GRID2: variants seen among roughly 807,000 people sequenced by gnomAD.
GRID2 encodes the protein glutamate receptor ionotropic, delta-2.
GRID2 carries 33 observed loss-of-function variants against 114.8 expected under a neutral mutation model. That is an observed-to-expected ratio of 0.29 (90% CI 0.22 to 0.38). The LOEUF (loss-of-function observed/expected upper bound fraction) is 0.38. GRID2 is among the 10% of genes least tolerant of loss of function. The probability of loss-of-function intolerance (pLI) is 1.00; values close to 1 mark genes in which losing one functional copy is unlikely to be tolerated. For missense variants in GRID2, 1,184 were observed against 1,257.7 expected, an observed-to-expected ratio of 0.94 and a Z score of 0.89; for synonymous variants, 505 against 449.9, an observed-to-expected ratio of 1.12 and a Z score of -1.55.
At chr4:93,806,270 G>A (rs1735027340) in intron 1 of GRID2, among the ~76,000 whole-genome samples, 1 of 152,210 alleles carries the variant, frequency 6.6e-6, no homozygotes, top group Non-Finnish European at 1.5e-5. Flanking sequence ...AAGTCAAGAT[G>A]TAAGATTCAA....
intron 13 of GRID2, among the ~76,000 whole-genome samples, chr4:93,611,203 CT>C (rs1740860090): frequency 1.0e-5 from 1 of 98,400 alleles, no homozygotes; most frequent in East Asian, 2.5e-4. Flanking sequence ...ATTCTTCTCT[CT>C]TTTTTTCTTT....
intron 1 of GRID2, among the ~76,000 whole-genome samples, chr4:92,566,994 G>A (rs928040456): frequency 6.6e-6 from 1 of 151,966 alleles, no homozygotes; most frequent in Non-Finnish European, 1.5e-5. Flanking sequence ...TTACTTACTT[G>A]TCAGAGGTTT....
At chr4:93,582,282 C>G (rs1054410760) in intron 13 of GRID2, among the ~76,000 whole-genome samples, 1 of 152,136 alleles carries the variant, frequency 6.6e-6, no homozygotes, top group Non-Finnish European at 1.5e-5. Context: ...CTCCCTCTGT[C>G]TCTGACCCTC....
intron 2 of GRID2, among the ~76,000 whole-genome samples, chr4:92,729,240 C>G (rs184517514): frequency 1.2e-4 from 18 of 152,148 alleles, no homozygotes; most frequent in African/African-American, 3.9e-4. Context: ...ATTGGCTTCA[C>G]CATGCACTTG....
chr4:93,576,516 T>G (rs959081749), intron 13 of GRID2, among the ~76,000 whole-genome samples: 3 of 152,224 alleles, frequency 2.0e-5, no homozygotes, highest in African/African-American at 7.2e-5. Flanking sequence ...CTTTTGGTCA[T>G]TTTAACAATA....
chr4:92,961,379 A>T lies in GRID2; in HGVS notation c.245-123616A>T, dbSNP rs561513106. On this transcript the variant is annotated intron_variant, in intron 2 of 15. Coordinates refer to ENST00000282020, the MANE Select transcript of GRID2 (RefSeq NM_001510.4). ...GTCTGCTGACAACACATCCCCTCAA[A>T]TTTTTTTTTTTTTTTGGTCTAAGAA... Among the ~76,000 whole-genome samples, 501 of 137,682 alleles carry T rather than the reference A, an allele frequency of 3.6e-3. 6 individuals are homozygous for T. The highest frequency in any genetic ancestry group is 0.011 in the African/African-American group (408 of 37,922). 90.3% of individuals were successfully genotyped at this position (137,682 alleles called of 152,430 possible).
chr4:92,411,244 T>C (rs987517011), intron 1 of GRID2, among the ~76,000 whole-genome samples: 4 of 152,120 alleles, frequency 2.6e-5, no homozygotes, highest in Admixed American at 6.5e-5. Flanking sequence ...ACCTTACTTC[T>C]CCTCAAATTA....
intron 14 of GRID2, among the ~76,000 whole-genome samples, chr4:93,677,442 G>C (rs1171475241): frequency 6.6e-6 from 1 of 152,174 alleles, no homozygotes; most frequent in Non-Finnish European, 1.5e-5. Context: ...CTCCCAGCAC[G>C]CAGCTGGAGA....
At chr4:92,498,160 C>A (rs542137100) in intron 1 of GRID2, among the ~76,000 whole-genome samples, 10 of 151,726 alleles carry the variant, frequency 6.6e-5, no homozygotes, top group African/African-American at 2.4e-4. Flanking sequence ...GAAGTCATCC[C>A]ACCTTTGCAT....
intron 2 of GRID2, among the ~76,000 whole-genome samples, chr4:92,949,365 G>A (rs997370595): frequency 1.3e-5 from 2 of 151,954 alleles, no homozygotes; most frequent in Non-Finnish European, 2.9e-5. Flanking sequence ...CAACGTGCAG[G>A]TTAGTTACAT....
At chr4:93,600,461 A>G (rs1436971876) in intron 13 of GRID2, among the ~76,000 whole-genome samples, 3 of 152,180 alleles carry the variant, frequency 2.0e-5, no homozygotes, top group Non-Finnish European at 2.9e-5. Context: ...ATAAACTCAA[A>G]AATACTTAAT....
At chr4:92,982,826 G>T (rs1424947414) in intron 2 of GRID2, among the ~76,000 whole-genome samples, 1 of 152,034 alleles carries the variant, frequency 6.6e-6, no homozygotes, top group Admixed American at 6.6e-5. Flanking sequence ...ATTATTTTAA[G>T]AAATAATTTC....
intron 4 of GRID2, among the ~76,000 whole-genome samples, chr4:93,135,737 GA>G: frequency 6.6e-6 from 1 of 152,238 alleles, no homozygotes; most frequent in Non-Finnish European, 1.5e-5. Context: ...GTGGCATCAG[GA>G]AAATATTTTG....
At chr4:92,439,574 G>A (rs1358345973) in intron 1 of GRID2, among the ~76,000 whole-genome samples, 1 of 150,262 alleles carries the variant, frequency 6.7e-6, no homozygotes, top group Non-Finnish European at 1.5e-5. Context: ...AGATTAAGCT[G>A]AAGGGAGGTC....
intron 2 of GRID2, among the ~76,000 whole-genome samples, chr4:93,078,297 A>G (rs1029384236): frequency 1.9e-4 from 29 of 152,194 alleles, no homozygotes; most frequent in East Asian, 5.8e-4. Context: ...GGCTTCCCCA[A>G]TCTCTAGTTG....
intron 2 of GRID2, among the ~76,000 whole-genome samples, chr4:92,749,114 C>T (rs1737306028): frequency 1.3e-5 from 2 of 151,464 alleles, no homozygotes; most frequent in African/African-American, 4.9e-5. Flanking sequence ...CTGCCTAAGC[C>T]GCCTGAGTAG....
intron 1 of GRID2, among the ~76,000 whole-genome samples, chr4:92,378,100 A>T (rs1729441003): frequency 6.6e-6 from 1 of 152,092 alleles, no homozygotes; most frequent in South Asian, 2.1e-4. Flanking sequence ...ATCATTAAAA[A>T]AAAAACTTAG....
chr4:93,668,797 C>A (rs1011513610), intron 14 of GRID2, among the ~76,000 whole-genome samples: 1 of 151,902 alleles, frequency 6.6e-6, no homozygotes, highest in Non-Finnish European at 1.5e-5. Flanking sequence ...CTTAAAGGTG[C>A]ATGGGAGTGA....
intron 1 of GRID2, among the ~76,000 whole-genome samples, chr4:92,398,652 A>G (rs1730626930): frequency 1.3e-5 from 2 of 152,194 alleles, no homozygotes; most frequent in Admixed American, 1.3e-4. Flanking sequence ...TTCCTTGTAC[A>G]TTCATAACAA....
Sources: allele counts gnomAD v4.1 joint callset (sites outside exome capture counted in the v4.1 genomes callset), GRCh38; gene constraint gnomAD v4.1.1; transcripts MANE v1.5; gene names NCBI Gene and HGNC (gene_info 2026-07-23, HGNC 2026-07-21).